The following NRXN1 variants were observed in gnomAD, a reference collection of about 807,000 sequenced individuals.
The protein encoded by NRXN1 is neurexin 1.
Under a neutral mutation model 150.9 loss-of-function variants are expected in NRXN1, and 39 were observed. That is an observed-to-expected ratio of 0.26 (90% confidence interval 0.20 to 0.34). The LOEUF (loss-of-function observed/expected upper bound fraction) is 0.34, where lower values mean the gene tolerates loss of function less well. NRXN1 is among the 10% of genes least tolerant of loss of function. The pLI is 1.00. For synonymous variants in NRXN1, 924 were observed against 757.0 expected (o/e 1.22, Z -3.62); for missense variants, 1,815 against 1,949.9 (o/e 0.93, Z 1.30).
intron 5 of NRXN1, among the ~76,000 whole-genome samples, chr2:50,829,969 G>A (rs1035780479): frequency 8.8e-6 from 1 of 113,728 alleles, no homozygotes; most frequent in Non-Finnish European, 1.6e-5. Flanking sequence ...AGGAGAAACC[G>A]CACAGGAACC....
chr2:50,627,386 TGTGTGTGTGC>T (rs1406365947), intron 5 of NRXN1, among the ~76,000 whole-genome samples: 2 of 150,372 alleles, frequency 1.3e-5, no homozygotes, highest in African/African-American at 4.9e-5. Flanking sequence ...TGTGTGTGTG[TGTGTGTGTGC>T]GCATACTAAT....
At chr2:50,726,102 A>G (rs1293863280) in intron 5 of NRXN1, among the ~76,000 whole-genome samples, 1 of 152,074 alleles carries the variant, frequency 6.6e-6, no homozygotes, top group Non-Finnish European at 1.5e-5. Context: ...ATAAATTACA[A>G]TCCATTTGAG....
chr2:50,364,204 T>G (rs2079427183), intron 17 of NRXN1, among the ~76,000 whole-genome samples: 1 of 152,134 alleles, frequency 6.6e-6, no homozygotes, highest in East Asian at 1.9e-4. Flanking sequence ...CAAACCTGCA[T>G]GTTCTGCACA....
At position 50,403,424 on chromosome 2, in the gene NRXN1, G is replaced by A. The variant is rs1408555591; in HGVS notation, c.3364+62018C>T. 3.3e-5 allele frequency among the ~76,000 whole-genome samples: 5 copies of A among 152,012 alleles called. No homozygotes were observed. The South Asian group carries it at 6.2e-4, about 19-fold the overall frequency. The stretch of plus-strand genomic sequence containing the variant: ...AATCTGCATTTAAAAATTATCCCAG[G>A]TAATTCTTACATATGTTCAGGTTTA... On this transcript the variant is annotated intron_variant, in intron 17 of 22. Transcript: ENST00000401669.
intron 19 of NRXN1, among the ~76,000 whole-genome samples, chr2:50,058,499 T>C (rs1184286759): frequency 6.6e-6 from 1 of 152,182 alleles, no homozygotes; most frequent in Middle Eastern, 3.2e-3. Context: ...ATTCAATATA[T>C]ACCTACTTTA....
chr2:50,344,852 A>G (rs972026259), intron 17 of NRXN1, among the ~76,000 whole-genome samples: 5 of 152,072 alleles, frequency 3.3e-5, no homozygotes, highest in Admixed American at 2.6e-4. Context: ...AGTGCTTCCC[A>G]CTGGCACAAT....
At chr2:50,398,219 C>T (rs1439005186) in intron 17 of NRXN1, among the ~76,000 whole-genome samples, 1 of 152,088 alleles carries the variant, frequency 6.6e-6, no homozygotes, top group African/African-American at 2.4e-5. Context: ...CATTATTTTG[C>T]ATTTCCACTA....
intron 17 of NRXN1, among the ~76,000 whole-genome samples, chr2:50,289,959 G>C (rs1048863187): frequency 2.8e-4 from 42 of 152,200 alleles, no homozygotes; most frequent in African/African-American, 9.1e-4. Flanking sequence ...CCCAGTTATT[G>C]TTAGCACTTA....
intron 2 of NRXN1, among the ~76,000 whole-genome samples, chr2:50,981,117 G>A (rs1048280350): frequency 1.3e-5 from 2 of 151,956 alleles, no homozygotes; most frequent in African/African-American, 4.8e-5. Flanking sequence ...CTATCAGAAA[G>A]ATAAAAATTG....
At chr2:50,698,826 G>GT (rs1179000522) in intron 5 of NRXN1, among the ~76,000 whole-genome samples, 2 of 152,070 alleles carry the variant, frequency 1.3e-5, no homozygotes, top group Non-Finnish European at 2.9e-5. Flanking sequence ...GCTATTCATT[G>GT]TTTATGAAAT....
At chr2:50,927,955 G>C (rs1202602242) in intron 2 of NRXN1, among the ~76,000 whole-genome samples, 2 of 151,946 alleles carry the variant, frequency 1.3e-5, no homozygotes, top group African/African-American at 4.8e-5. Flanking sequence ...AATGCACTAA[G>C]TAGGGCATTA....
intron 5 of NRXN1, among the ~76,000 whole-genome samples, chr2:50,811,289 C>T (rs17569242): frequency 6.6e-6 from 1 of 152,022 alleles, no homozygotes; most frequent in Non-Finnish European, 1.5e-5. Flanking sequence ...CAGTTATTCA[C>T]ACACTTAAAT....
chr2:51,029,217 T>G (rs960785002), intron 1 of NRXN1, 23 bp from the exon 2 acceptor site: 1 of 152,230 alleles, frequency 6.6e-6, no homozygotes, highest in Non-Finnish European at 1.5e-5. Flanking sequence ...AAAGTCAAAA[T>G]TAAGGTCTAA....
chr2:50,854,891 C>T (rs759277311), intron 5 of NRXN1, among the ~76,000 whole-genome samples: 7 of 152,000 alleles, frequency 4.6e-5, no homozygotes, highest in African/African-American at 1.4e-4. Flanking sequence ...GAAGAAAGAA[C>T]AATGAGCCTG....
At chr2:51,029,781 A>G (rs1023463571) in intron 1 of NRXN1, among the ~76,000 whole-genome samples, 1 of 152,226 alleles carries the variant, frequency 6.6e-6, no homozygotes, top group Non-Finnish European at 1.5e-5. Flanking sequence ...TCTGTTGTAA[A>G]AGAAAACCAC....
At chr2:50,490,316 G>T (rs1169689883) in intron 15 of NRXN1, among the ~76,000 whole-genome samples, 1 of 152,106 alleles carries the variant, frequency 6.6e-6, no homozygotes. Flanking sequence ...ATGGCGTTCA[G>T]GGCCCTTCAA....
intron 21 of NRXN1, among the ~76,000 whole-genome samples, chr2:50,042,747 T>G (rs1485934880): frequency 6.6e-6 from 1 of 152,170 alleles, no homozygotes; most frequent in Non-Finnish European, 1.5e-5. Context: ...AACTTAAGGT[T>G]ATAATCTCTA....
intron 18 of NRXN1, among the ~76,000 whole-genome samples, chr2:50,149,184 A>T (rs1361376455): frequency 6.6e-6 from 1 of 151,792 alleles, no homozygotes; most frequent in Non-Finnish European, 1.5e-5. Flanking sequence ...CATCGATGCC[A>T]TGAACATAAG....
In NRXN1 at chr2:50,300,951, T is replaced by C. The variant is rs147686319; in HGVS notation, c.3365-63981A>G. Among the ~76,000 whole-genome samples the C allele has an allele frequency of 6.3e-3, 959 of 152,152 alleles. 10 individuals are homozygous for C. Among genetic ancestry groups the C allele is most frequent in the African/African-American group, 0.022 (913 of 41,524 alleles). ...CCTCAGGTGATCCACCCTTCTTGGC[T>C]TCCCAAAGTGTTGGGATTACAAGCA... On this transcript the variant is annotated intron_variant, in intron 17 of 22. Transcript: ENST00000401669.
Sources: gnomAD v4.1 joint callset for allele counts (sites outside exome capture counted in the v4.1 genomes callset) on GRCh38, gnomAD v4.1.1 for gene constraint, MANE v1.5 for transcripts, NCBI Gene and HGNC (gene_info 2026-07-23, HGNC 2026-07-21) for gene names.